The following TNS1 variants were observed in gnomAD, a reference collection of about 807,000 sequenced individuals.
TNS1 encodes tensin-1.
In TNS1, 62 loss-of-function variants were observed where a neutral mutation model predicts 168.6. The observed-to-expected ratio is 0.37, with a 90% CI of 0.30 to 0.45. The LOEUF (loss-of-function observed/expected upper bound fraction) is 0.45, where lower values mean the gene tolerates loss of function less well. Among genes scored for constraint, TNS1 ranks in the 20% least tolerant of loss-of-function variants. The probability of loss-of-function intolerance (pLI) is 1.00; values close to 1 mark genes in which losing one functional copy is unlikely to be tolerated. For missense variants in TNS1, 2,240 were observed against 2,339.4 expected, an observed-to-expected ratio of 0.96 and a Z score of 0.88; for synonymous variants, 934 against 933.2, an observed-to-expected ratio of 1.00 and a Z score of -0.02.
In TNS1 at chr2:217,802,980, G is replaced by T. The variant is rs542050521; in HGVS notation, c.*1479C>A. 3 of 152,792 alleles carry T rather than the reference G, an allele frequency of 2.0e-5. No homozygotes were observed. The highest frequency in any genetic ancestry group is 4.8e-5 in the African/African-American group (2 of 41,592). 9.5% of individuals were successfully genotyped at this position (152,792 alleles called of 1,614,324 possible). On this transcript the variant is annotated 3_prime_UTR_variant, in exon 33 of 33. Transcript: ENST00000682258. ...GGTCAGGTGTTTTCCCAACTGTCCA[G>T]TGGACCTTAGGCCCTTTGGCCCAAG...
chr2:217,985,561 G>C (rs1958175471), intron 2 of TNS1: 1 of 152,102 alleles, frequency 6.6e-6, no homozygotes, highest in African/African-American at 2.4e-5. Flanking sequence ...TGGGATTACA[G>C]GCACGCACCA....
Position 217,808,108 on chromosome 2 carries a change from C to T in TNS1, c.5343-1G>A. ...GGCACCACCCTCTGTTTTCATCCAC[C>T]TGTGGAGAGAAAGTGGGCTCAGGGT... On this transcript the variant is annotated splice_acceptor_variant, in intron 31 of 32. Coordinates refer to ENST00000682258, the MANE Select transcript of TNS1 (RefSeq NM_001387777.1). LOFTEE classifies it high-confidence loss of function. 6.2e-7 allele frequency: 1 copy of T among 1,613,106 alleles called. No homozygotes were observed. Among genetic ancestry groups the T allele is most frequent in the Non-Finnish European group, 8.5e-7 (1 of 1,179,962 alleles).
At chr2:217,902,932 C>G (rs374674344) in intron 6 of TNS1, among the ~76,000 whole-genome samples, 4 of 152,166 alleles carry the variant, frequency 2.6e-5, no homozygotes, top group Admixed American at 6.5e-5. Context: ...GTCTGAGTGT[C>G]GGTACACACA....
intron 3 of TNS1, among the ~76,000 whole-genome samples, chr2:217,929,418 T>C (rs1025874125): frequency 6.6e-6 from 1 of 152,062 alleles, no homozygotes; most frequent in South Asian, 2.1e-4. Flanking sequence ...CTGCACTGAG[T>C]ACCTATGGAG....
intron 3 of TNS1, among the ~76,000 whole-genome samples, chr2:217,964,837 G>T (rs150548391): frequency 6.6e-6 from 1 of 152,174 alleles, no homozygotes; most frequent in South Asian, 2.1e-4. Context: ...TCTGTGACTC[G>T]CTCTGTGTTC....
At chr2:217,884,938 C>A in intron 16 of TNS1, 97 bp downstream of exon 16, 1 of 1,500,654 alleles carries the variant, frequency 6.7e-7, no homozygotes, top group Admixed American at 1.9e-5. Flanking sequence ...CCACATGGTC[C>A]AGAAAAGATG....
chr2:217,893,553 T>C lies in TNS1; in HGVS notation c.603A>G (p.Glu201=). ...DITKLHAKVL[E]FGWPDLHTPA... is the part of the protein sequence containing the mutation. Reference sequence around the variant, plus strand: ...GGGTGTGGAGGTCGGGCCAGCCAAATTCCAGTACCTGTGGCCCAAGCCATG... The same window carrying C: ...GGGTGTGGAGGTCGGGCCAGCCAAACTCCAGTACCTGTGGCCCAAGCCATG... The change falls in exon 10 of 33, where the codon GAA becomes GAG. Residue 201 remains glutamate, a synonymous_variant. Coordinates refer to ENST00000682258, the MANE Select transcript of TNS1 (RefSeq NM_001387777.1). The C allele has an allele frequency of 6.2e-7, 1 of 1,610,028 alleles. No individual in the cohort carries two copies.
At chr2:217,817,665 G>T in intron 24 of TNS1, 25 bp downstream of exon 24, 2 of 1,549,618 alleles carry the variant, frequency 1.3e-6, no homozygotes, top group Non-Finnish European at 1.8e-6. Context: ...CAGGAGAGGT[G>T]AAAATGGAAG....
intron 6 of TNS1, chr2:217,903,833 T>C (rs1479890384): frequency 2.2e-5 from 11 of 508,954 alleles, no homozygotes; most frequent in Non-Finnish European, 3.4e-6. Flanking sequence ...GACCCCAGGT[T>C]CTGTTATCTG....
At chr2:217,845,750 T>C (rs994983381) in intron 19 of TNS1, among the ~76,000 whole-genome samples, 4 of 152,270 alleles carry the variant, frequency 2.6e-5, no homozygotes, top group Non-Finnish European at 5.9e-5. Flanking sequence ...TAAAAGGCAG[T>C]CCACTACAAG....
rs1559188705 is a variant in TNS1 at position 217,831,418 on chromosome 2, C to T, written c.3373+37G>A. ...CAGAACCACAGGAGTCCTCCTCCCC[C>T]TGGCCCCCCTCCCCATCTTCCCTCT... On this transcript the variant is annotated intron_variant, in intron 22 of 32. Transcript: ENST00000682258. 6 of 1,525,696 alleles carry T rather than the reference C, an allele frequency of 3.9e-6. No homozygotes were observed. In the South Asian group the frequency reaches 6.1e-5, roughly 16 times the overall value. The allele number at this position is 1,525,696 out of a possible 1,614,324, so 94.5% of individuals were successfully genotyped here. A position where few individuals can be genotyped will look rare whatever the true frequency, so the allele number is the denominator to read the frequency against.
chr2:217,923,712 C>A (rs369751119), intron 3 of TNS1, among the ~76,000 whole-genome samples: 2 of 152,226 alleles, frequency 1.3e-5, no homozygotes, highest in African/African-American at 4.8e-5. Context: ...AAGCCCTTTG[C>A]TCTCATTGGA....
chr2:217,881,874 C>T (rs148662949), intron 17 of TNS1: 3 of 153,184 alleles, frequency 2.0e-5, no homozygotes, highest in African/African-American at 7.2e-5. Context: ...AACCTAACTT[C>T]ATCTCCTTTC....
At chr2:218,008,487 A>G (rs1958679460) in intron 1 of TNS1, among the ~76,000 whole-genome samples, 1 of 152,178 alleles carries the variant, frequency 6.6e-6, no homozygotes, top group Non-Finnish European at 1.5e-5. Flanking sequence ...CAAATCTAGA[A>G]ATCCAGACTC....
chr2:217,852,598 A>G (rs1947653071), intron 18 of TNS1, among the ~76,000 whole-genome samples: 1 of 152,230 alleles, frequency 6.6e-6, no homozygotes, highest in South Asian at 2.1e-4. Context: ...AAAACTATGA[A>G]GGCATCCCCC....
At chr2:217,822,752 A>C (rs1180734862) in intron 22 of TNS1, among the ~76,000 whole-genome samples, 1 of 152,188 alleles carries the variant, frequency 6.6e-6, no homozygotes, top group Non-Finnish European at 1.5e-5. Context: ...GAGGCCCGAC[A>C]AGGGAAATGA....
At chr2:217,877,544 G>A (rs1304554725) in intron 18 of TNS1, among the ~76,000 whole-genome samples, 4 of 152,170 alleles carry the variant, frequency 2.6e-5, no homozygotes, top group East Asian at 3.9e-4. Context: ...CCTCCCTCTC[G>A]GGTTTTATGA....
chr2:217,835,624 T>C (rs915806144), intron 20 of TNS1, among the ~76,000 whole-genome samples: 1 of 152,128 alleles, frequency 6.6e-6, no homozygotes, highest in African/African-American at 2.4e-5. Context: ...GAAATGCAAA[T>C]CTTTTGGAAT....
intron 12 of TNS1, 49 bp downstream of exon 12, chr2:217,890,913 G>A: frequency 1.3e-6 from 2 of 1,583,498 alleles, no homozygotes; most frequent in East Asian, 4.5e-5. Flanking sequence ...TCCCCACATA[G>A]AGTGAGTGCA....
Sources: allele counts gnomAD v4.1 joint callset (sites outside exome capture counted in the v4.1 genomes callset), GRCh38; gene constraint gnomAD v4.1.1; transcripts MANE v1.5; gene names NCBI Gene and HGNC (gene_info 2026-07-23, HGNC 2026-07-21).